The following FRAS1 variants were observed in gnomAD, a reference collection of about 807,000 sequenced individuals.
FRAS1 encodes Fraser extracellular matrix complex subunit 1.
FRAS1 carries 290 observed loss-of-function variants against 435.2 expected under a neutral mutation model. The observed-to-expected ratio is 0.67, with a 90% confidence interval of 0.61 to 0.73. FRAS1 has a LOEUF of 0.73. Ranked by LOEUF, FRAS1 falls within the 30% of genes least tolerant of loss-of-function variation. FRAS1 has a pLI of 0.00. For missense variants in FRAS1, 4,860 were observed against 5,001.5 expected (o/e 0.97, Z 0.85); for synonymous variants, 1,800 against 1,851.0 (o/e 0.97, Z 0.71).
intron 20 of FRAS1, among the ~76,000 whole-genome samples, chr4:78,362,278 G>C (rs1254050367): frequency 1.3e-5 from 2 of 152,314 alleles, no homozygotes; most frequent in East Asian, 3.9e-4. Context: ...GGCTGAGACT[G>C]GTATACTGAC....
rs78715862 is a variant in FRAS1, at chr4:78,152,505, T to C, written c.109-85005T>C. On this transcript the variant is annotated intron_variant, in intron 2 of 73. Coordinates refer to ENST00000512123, the MANE Select transcript of FRAS1 (RefSeq NM_025074.7). ...TTCAGACCTAATTGCTGCATCAAGTTGTGTACATGTATTTCCTCCCCAACT... is the reference window on the plus strand; with the variant it reads ...TTCAGACCTAATTGCTGCATCAAGTCGTGTACATGTATTTCCTCCCCAACT... Among the ~76,000 whole-genome samples the C allele has an allele frequency of 6.4e-3, 978 of 152,192 alleles. 9 individuals carry two copies. Among genetic ancestry groups the C allele is most frequent in the Admixed American group, 0.01 (155 of 15,258 alleles).
chr4:78,526,578 C>A lies in FRAS1; in HGVS notation c.10846C>A (p.Pro3616Thr). Residue 3616 changes from proline to threonine, a missense_variant, in exon 70 of 74, where the codon CCT (proline) becomes ACT (threonine). Transcript: ENST00000512123. ...YSGEYTIYLI[P>T]CTVQPTQPWV... Reference sequence around the variant, plus strand: ...AGGAGAGTACACCATCTACCTGATCCCTTGCACAGTGCAGCCCACACAGCC... The same window carrying A: ...AGGAGAGTACACCATCTACCTGATCACTTGCACAGTGCAGCCCACACAGCC... The A allele has an allele frequency of 6.2e-7, 1 of 1,602,068 alleles. No individual in the cohort carries two copies. The highest frequency in any genetic ancestry group is 2.3e-5 in the East Asian group (1 of 44,312).
At chr4:78,362,379 AT>A (rs1165510612) in intron 20 of FRAS1, among the ~76,000 whole-genome samples, 3 of 152,200 alleles carry the variant, frequency 2.0e-5, no homozygotes, top group Non-Finnish European at 4.4e-5. Context: ...TGCCGGACTC[AT>A]GGCAGCGGCA....
chr4:78,357,726 A>T (rs1270853486), intron 20 of FRAS1, among the ~76,000 whole-genome samples: 1 of 151,804 alleles, frequency 6.6e-6, no homozygotes. Context: ...ATATAGTGAG[A>T]CTCCTGTCTG....
chr4:78,134,742 G>T (rs1304247698), intron 2 of FRAS1, among the ~76,000 whole-genome samples: 5 of 152,034 alleles, frequency 3.3e-5, no homozygotes, highest in African/African-American at 9.7e-5. Flanking sequence ...CCTAGGTATG[G>T]TATTAGGTAC....
Position 78,384,038 on chromosome 4 carries a change from CTT to C in FRAS1, c.3564-19_3564-18del. The C allele has an allele frequency of 6.4e-7, 1 of 1,560,886 alleles. No individual in the cohort carries two copies. Among genetic ancestry groups the C allele is most frequent in the Non-Finnish European group, 8.8e-7 (1 of 1,140,752 alleles). On this transcript the variant is annotated intron_variant, in intron 27 of 73. Coordinates refer to ENST00000512123, the MANE Select transcript of FRAS1 (RefSeq NM_025074.7). ...ATGTAATGATTGTATTTTCTTATTC[CTT>C]TCTTTGGGACTTCTTTAGGAAAGGT...
At chr4:78,502,003 G>C (rs1251428790) in intron 61 of FRAS1, among the ~76,000 whole-genome samples, 1 of 152,140 alleles carries the variant, frequency 6.6e-6, no homozygotes, top group African/African-American at 2.4e-5. Flanking sequence ...GCTTTTGTCA[G>C]GTTTGTCAAA....
intron 22 of FRAS1, among the ~76,000 whole-genome samples, chr4:78,366,570 C>G (rs981169282): frequency 1.3e-5 from 2 of 152,198 alleles, no homozygotes; most frequent in African/African-American, 4.8e-5. Flanking sequence ...TTTCTTAGAC[C>G]TACAGCAGAA....
chr4:78,537,094 A>T lies in FRAS1; in HGVS notation c.11192A>T (p.Asp3731Val). ...AAAGTCTATCTTTGTACGGGCAAGGATGGTTATGTGCCTTTCTTTGATCCC... is the reference window on the plus strand; with the variant it reads ...AAAGTCTATCTTTGTACGGGCAAGGTTGGTTATGTGCCTTTCTTTGATCCC... ...LEKVYLCTGK[D>V]GYVPFFDPTG... is the part of the protein sequence containing the mutation. Residue 3731 changes from aspartate (D) to valine (V), a missense_variant, in exon 72 of 74, where the codon GAT becomes GTT. Physicochemically the swap from Asp to Val is radical, Grantham distance 152 (BLOSUM62 -3). Coordinates refer to ENST00000512123, the MANE Select transcript of FRAS1 (RefSeq NM_025074.7). 6.2e-7 allele frequency: 1 copy of T among 1,614,010 alleles called. No individual in the cohort carries two copies. The highest frequency in any genetic ancestry group is 2.2e-5 in the East Asian group (1 of 44,878).
At chr4:78,432,253 T>C in intron 37 of FRAS1, 104 bp from the exon 38 acceptor site, 2 of 1,170,384 alleles carry the variant, frequency 1.7e-6, no homozygotes. Context: ...CTCCCTGAGT[T>C]ATGATCCTAT....
At chr4:78,357,428 A>G (rs1730897790) in intron 20 of FRAS1, among the ~76,000 whole-genome samples, 1 of 152,200 alleles carries the variant, frequency 6.6e-6, no homozygotes, top group African/African-American at 2.4e-5. Context: ...GGAATCTTGA[A>G]CATTCTACTG....
At chr4:78,428,160 G>C (rs1325437103) in intron 35 of FRAS1, among the ~76,000 whole-genome samples, 1 of 152,188 alleles carries the variant, frequency 6.6e-6, no homozygotes, top group African/African-American at 2.4e-5. Flanking sequence ...AGAGATGGAT[G>C]TTCACTTGGA....
intron 20 of FRAS1, among the ~76,000 whole-genome samples, chr4:78,361,306 C>T (rs996770015): frequency 7.9e-5 from 12 of 152,200 alleles, no homozygotes; most frequent in African/African-American, 2.9e-4. Context: ...TAGTCTCCTT[C>T]TCATATTTCC....
chr4:78,395,980 G>A (rs960572192), intron 29 of FRAS1, among the ~76,000 whole-genome samples: 3 of 151,380 alleles, frequency 2.0e-5, no homozygotes, highest in Non-Finnish European at 3.0e-5. Context: ...TTTTTGTAGT[G>A]GTATGTTTTT....
chr4:78,452,223 A>G lies in FRAS1; in HGVS notation c.6632A>G (p.Asp2211Gly). Residue 2211 changes from aspartate to glycine, a missense_variant, in exon 47 of 74, where the codon GAT (aspartate) becomes GGT (glycine). Transcript: ENST00000512123. ...VITTNKGLVLDENSVKKITTL... is the reference protein window; with the variant it reads ...VITTNKGLVLGENSVKKITTL... ...ACCACCAATAAAGGACTGGTCTTGG[A>G]TGAAAACTCAGTGAAGAAAATCACC... The G allele has an allele frequency of 6.2e-7, 1 of 1,613,902 alleles. No individual in the cohort carries two copies. The highest frequency in any genetic ancestry group is 8.5e-7 in the Non-Finnish European group (1 of 1,179,790).
chr4:78,424,392 C>A lies in FRAS1; in HGVS notation c.4683C>A (p.Leu1561=). ...TTGTCTCTCTTACTCTTTTAGGTCTCCCAGAATCAGTGAAATTCCACTTCA... is the reference window on the plus strand; with the variant it reads ...TTGTCTCTCTTACTCTTTTAGGTCTACCAGAATCAGTGAAATTCCACTTCA... ...QELMAFSFAG[L]PESVKFHFTV... is the part of the protein sequence containing the mutation. Residue 1561 remains leucine (L), a synonymous_variant, in exon 35 of 74, where the codon CTC becomes CTA. Transcript: ENST00000512123. The A allele has an allele frequency of 6.8e-7, 1 of 1,466,610 alleles. No individual in the cohort carries two copies. Among genetic ancestry groups the A allele is most frequent in the African/African-American group, 1.4e-5 (1 of 69,718 alleles). The allele number at this position is 1,466,610 out of a possible 1,614,324, so 90.8% of individuals were successfully genotyped here. A position where few individuals can be genotyped will look rare whatever the true frequency, so the allele number is the denominator to read the frequency against.
rs200267733 is a variant in FRAS1, at chr4:78,249,064, C to CATATATATATATATATATAT, written c.310-3325_310-3306dup. ...AGAACTACTGATATATATATATATG[C>CATATATATATATATATATAT]ATATATATATATATATATATATGCA... On this transcript the variant is annotated intron_variant, in intron 4 of 73. Transcript: ENST00000512123. 3.9e-3 allele frequency among the ~76,000 whole-genome samples: 64 copies of CATATATATATATATATATAT among 16,568 alleles called. 3 individuals are homozygous for CATATATATATATATATATAT. The highest frequency in any genetic ancestry group is 5.5e-3 in the African/African-American group (52 of 9,438). 10.9% of individuals were successfully genotyped at this position (16,568 alleles called of 152,430 possible).
intron 26 of FRAS1, among the ~76,000 whole-genome samples, chr4:78,377,419 C>T (rs950123293): frequency 1.1e-4 from 17 of 152,260 alleles, no homozygotes; most frequent in East Asian, 5.8e-4. Context: ...ATCTTACAGT[C>T]GAAGTAGTCC....
intron 2 of FRAS1, among the ~76,000 whole-genome samples, chr4:78,160,206 T>C (rs531413960): frequency 6.6e-6 from 1 of 152,350 alleles, no homozygotes; most frequent in Non-Finnish European, 1.5e-5. Flanking sequence ...TGTTTATATA[T>C]CCATGGAACA....
Sources: allele counts gnomAD v4.1 joint callset (sites outside exome capture counted in the v4.1 genomes callset), GRCh38; gene constraint gnomAD v4.1.1; transcripts MANE v1.5; gene names NCBI Gene and HGNC (gene_info 2026-07-23, HGNC 2026-07-21).